The following PCDH15 variants were observed in gnomAD, a reference collection of about 807,000 sequenced individuals.
PCDH15 encodes the protein protocadherin related 15.
A neutral mutation model predicts 178.5 loss-of-function variants in PCDH15; 129 were observed. That is an observed-to-expected ratio of 0.72 (90% confidence interval 0.63 to 0.84). The LOEUF (loss-of-function observed/expected upper bound fraction) is 0.84, where lower values mean the gene tolerates loss of function less well. Ranked by LOEUF, PCDH15 falls within the 40% of genes least tolerant of loss-of-function variation. The probability of loss-of-function intolerance (pLI) is 0.00; values close to 1 mark genes in which losing one functional copy is unlikely to be tolerated. For missense variants in PCDH15, 2,230 were observed against 2,099.9 expected, an observed-to-expected ratio of 1.06 and a Z score of -1.21; for synonymous variants, 800 against 732.0, an observed-to-expected ratio of 1.09 and a Z score of -1.50.
chr10:54,454,199 A>T (rs2076666838), intron 3 of PCDH15, among the ~76,000 whole-genome samples: 1 of 149,348 alleles, frequency 6.7e-6, no homozygotes, highest in African/African-American at 2.4e-5. Context: ...TTAATTTTTA[A>T]TTACTAAAAT....
chr10:55,175,607 A>C (rs1361405347), intron 1 of PCDH15, among the ~76,000 whole-genome samples: 1 of 147,872 alleles, frequency 6.8e-6, no homozygotes, highest in Non-Finnish European at 1.5e-5. Context: ...CAGAGGTTGC[A>C]GTGAGCCAAG....
chr10:55,490,943 C>T (rs906389926), intron 2 of PCDH15, among the ~76,000 whole-genome samples: 2 of 151,836 alleles, frequency 1.3e-5, no homozygotes, highest in African/African-American at 4.8e-5. Context: ...ATTACAAGAA[C>T]AATTATTGAT....
intron 2 of PCDH15, among the ~76,000 whole-genome samples, chr10:54,903,083 T>C (rs753454718): frequency 1.4e-4 from 21 of 152,300 alleles, no homozygotes; most frequent in Non-Finnish European, 2.2e-4. Context: ...AGTATTTTCA[T>C]TGCCCTTCCT....
chr10:55,404,935 T>C (rs1017168641), intron 2 of PCDH15, among the ~76,000 whole-genome samples: 10 of 151,846 alleles, frequency 6.6e-5, no homozygotes, highest in Admixed American at 2.0e-4. Flanking sequence ...ATGAGGTCAT[T>C]TATGAACTAC....
In PCDH15 at chr10:54,968,188, G is replaced by A. The variant is rs181592115; in HGVS notation, c.-79-70688C>T. 6.5e-3 allele frequency among the ~76,000 whole-genome samples: 984 copies of A among 152,196 alleles called. 3 individuals carry two copies. Among genetic ancestry groups the A allele is most frequent in the Non-Finnish European group, 8.7e-3 (590 of 67,992 alleles). ...TAACTGTTCATTAAACTGCTAATCT[G>A]TATTCCAACGTGGCATATTATTTCC... On this transcript the variant is annotated intron_variant, in intron 2 of 5. Transcript: ENST00000458638.
intron 18 of PCDH15, among the ~76,000 whole-genome samples, chr10:54,053,814 T>G (rs1313580804): frequency 1.3e-5 from 2 of 152,120 alleles, no homozygotes; most frequent in Non-Finnish European, 2.9e-5. Context: ...ATTCCAGAAT[T>G]TACATCACAG....
At chr10:54,651,156 G>A (rs2094251058) in intron 2 of PCDH15, among the ~76,000 whole-genome samples, 1 of 151,926 alleles carries the variant, frequency 6.6e-6, no homozygotes, top group African/African-American at 2.4e-5. Flanking sequence ...TGGATTACGA[G>A]AAAGAAAAGG....
intron 2 of PCDH15, among the ~76,000 whole-genome samples, chr10:54,899,106 A>T (rs1219027238): frequency 1.3e-5 from 2 of 152,178 alleles, no homozygotes; most frequent in African/African-American, 4.8e-5. Flanking sequence ...ACACGAAAAG[A>T]AATTCAGCTG....
chr10:54,039,915 G>T (rs796274119), intron 18 of PCDH15, among the ~76,000 whole-genome samples: 3 of 151,940 alleles, frequency 2.0e-5, no homozygotes, highest in African/African-American at 7.2e-5. Flanking sequence ...AAATATAATT[G>T]CTTCCTACTA....
At chr10:54,320,162 T>C (rs968540639) in intron 7 of PCDH15, among the ~76,000 whole-genome samples, 2 of 152,118 alleles carry the variant, frequency 1.3e-5, no homozygotes, top group Non-Finnish European at 2.9e-5. Context: ...ACTTCTTTTA[T>C]GTCACTAAAA....
chr10:54,548,643 A>AC (rs36119000), intron 2 of PCDH15, among the ~76,000 whole-genome samples: 111,897 of 146,306 alleles, frequency 0.76, 43,599 homozygotes, highest in East Asian at 0.99. Context: ...AATATATAAT[A>AC]CTTATATAAA....
intron 1 of PCDH15, among the ~76,000 whole-genome samples, chr10:54,789,111 C>T (rs2133527736): frequency 6.6e-6 from 1 of 151,724 alleles, no homozygotes; most frequent in South Asian, 2.1e-4. Flanking sequence ...GAATGGCTCC[C>T]AAAACATTCA....
At chr10:54,242,187 TACACACACACAC>T (rs71007827) in intron 8 of PCDH15, among the ~76,000 whole-genome samples, 6 of 76,790 alleles carry the variant, frequency 7.8e-5, no homozygotes, top group African/African-American at 2.2e-4. Context: ...TATATATATA[TACACACACACAC>T]ATACATACAT....
chr10:54,425,417 C>A (rs1384210648), intron 3 of PCDH15, among the ~76,000 whole-genome samples: 2 of 152,112 alleles, frequency 1.3e-5, no homozygotes, highest in Non-Finnish European at 2.9e-5. Context: ...TCCCCACAAG[C>A]AAGAAGGCTC....
At chr10:55,533,094 C>T (rs1176115472) in intron 2 of PCDH15, among the ~76,000 whole-genome samples, 1 of 152,000 alleles carries the variant, frequency 6.6e-6, no homozygotes, top group Non-Finnish European at 1.5e-5. Flanking sequence ...TAGTAATAGC[C>T]ATTTATGACA....
chr10:55,270,259 T>C (rs1842407395), intron 1 of PCDH15, among the ~76,000 whole-genome samples: 2 of 151,936 alleles, frequency 1.3e-5, no homozygotes, highest in Non-Finnish European at 1.5e-5. Context: ...CCAAAAGCAA[T>C]TGGAACAAAA....
At chr10:55,507,105 T>C (rs1000464716) in intron 2 of PCDH15, among the ~76,000 whole-genome samples, 6 of 151,592 alleles carry the variant, frequency 4.0e-5, no homozygotes, top group African/African-American at 1.5e-4. Flanking sequence ...ATCTTGAAAT[T>C]GCATAAGATC....
At chr10:54,995,352 G>GACGACAGAGCGAGACT (rs1228530208) in intron 2 of PCDH15, among the ~76,000 whole-genome samples, 1 of 142,020 alleles carries the variant, frequency 7.0e-6, no homozygotes, top group African/African-American at 2.8e-5. Flanking sequence ...CTCCAGCCTG[G>GACGACAGAGCGAGACT]ACGACAGAGC....
intron 1 of PCDH15, among the ~76,000 whole-genome samples, chr10:55,315,402 G>A (rs1843698908): frequency 6.6e-6 from 1 of 152,144 alleles, no homozygotes. Context: ...TGCTGTAGAT[G>A]ACAAAACCTT....
Sources: allele counts gnomAD v4.1 joint callset (sites outside exome capture counted in the v4.1 genomes callset), GRCh38; gene constraint gnomAD v4.1.1; transcripts MANE v1.5; gene names NCBI Gene and HGNC (gene_info 2026-07-23, HGNC 2026-07-21).